LCLAT1: variants seen among roughly 807,000 people sequenced by gnomAD.
The protein encoded by LCLAT1 is 1-AGP acyltransferase 8.
Under a neutral mutation model 30.7 loss-of-function variants are expected in LCLAT1, and 11 were observed. That is an observed-to-expected ratio of 0.36 (90% CI 0.23 to 0.59). The LOEUF is 0.59. LCLAT1 is among the 20% of genes least tolerant of loss of function. The probability of loss-of-function intolerance (pLI) is 0.77; values close to 1 mark genes in which losing one functional copy is unlikely to be tolerated. For missense variants in LCLAT1, 402 were observed against 458.6 expected (o/e 0.88, Z 1.13); for synonymous variants, 155 against 151.3 (o/e 1.02, Z -0.18).
intron 5 of LCLAT1, among the ~76,000 whole-genome samples, chr2:30,636,537 T>C (rs1352473725): frequency 1.3e-5 from 2 of 152,112 alleles, no homozygotes; most frequent in Non-Finnish European, 2.9e-5. Flanking sequence ...TCCCAGGCAG[T>C]CTGTGTCCAC....
At chr2:30,537,939 T>C (rs1465273844) in intron 3 of LCLAT1, among the ~76,000 whole-genome samples, 1 of 152,040 alleles carries the variant, frequency 6.6e-6, no homozygotes, top group Non-Finnish European at 1.5e-5. Context: ...ATTTGGAAAC[T>C]GTACCAATAC....
chr2:30,473,220 C>T (rs1198460549), intron 1 of LCLAT1, among the ~76,000 whole-genome samples: 2 of 152,036 alleles, frequency 1.3e-5, no homozygotes, highest in Non-Finnish European at 2.9e-5. Flanking sequence ...ATATAACTAC[C>T]ATATGACAGT....
At chr2:30,617,601 A>G (rs912326257) in intron 5 of LCLAT1, among the ~76,000 whole-genome samples, 16 of 152,146 alleles carry the variant, frequency 1.1e-4, no homozygotes, top group African/African-American at 3.1e-4. Context: ...TTACATGTCC[A>G]TTAGTATTAT....
At chr2:30,485,076 T>C (rs1303785392) in intron 1 of LCLAT1, among the ~76,000 whole-genome samples, 1 of 152,188 alleles carries the variant, frequency 6.6e-6, no homozygotes, top group Non-Finnish European at 1.5e-5. Context: ...TTTTGTAATA[T>C]TGTTAAGTCA....
intron 1 of LCLAT1, among the ~76,000 whole-genome samples, chr2:30,478,884 T>A (rs1039839501): frequency 6.6e-6 from 1 of 152,218 alleles, no homozygotes; most frequent in African/African-American, 2.4e-5. Flanking sequence ...ACTTGCTGAC[T>A]TGTGTTACAT....
intron 5 of LCLAT1, among the ~76,000 whole-genome samples, chr2:30,590,962 G>C (rs1390431668): frequency 1.3e-5 from 2 of 152,070 alleles, no homozygotes; most frequent in African/African-American, 4.8e-5. Context: ...TCCCTCTTCA[G>C]TCCTTCAACT....
intron 1 of LCLAT1, 45 bp from the exon 2 acceptor site, chr2:30,525,542 G>A (rs753489666): frequency 8.3e-5 from 122 of 1,477,752 alleles, no homozygotes; most frequent in Admixed American, 1.0e-4. Flanking sequence ...AATTCGAGCC[G>A]TTAAATGTAT....
At chr2:30,478,411 T>C (rs978361664) in intron 1 of LCLAT1, among the ~76,000 whole-genome samples, 5 of 152,234 alleles carry the variant, frequency 3.3e-5, no homozygotes, top group African/African-American at 1.2e-4. Flanking sequence ...TTTTCTCTGT[T>C]CATATTCTGG....
In LCLAT1 at chr2:30,503,867, G is replaced by A. The variant is rs554998305; in HGVS notation, c.-4-21720G>A. 8.5e-4 allele frequency among the ~76,000 whole-genome samples: 130 copies of A among 152,264 alleles called. 1 individual carries two copies. The highest frequency in any genetic ancestry group is 1.9e-3 in the South Asian group (9 of 4,828). ...TTTTGTCCTAGCTTGACTGAGCACT[G>A]TTCTCCCTCAAGACTCAGGCCTTGG... On this transcript the variant is annotated intron_variant, in intron 1 of 5. Coordinates refer to ENST00000379509, the MANE Select transcript of LCLAT1 (RefSeq NM_001002257.3).
chr2:30,460,506 G>A (rs918059842), intron 1 of LCLAT1, among the ~76,000 whole-genome samples: 1 of 152,092 alleles, frequency 6.6e-6, no homozygotes, highest in Admixed American at 6.5e-5. Flanking sequence ...TAGTCTACTA[G>A]TCGGTTTCTG....
In LCLAT1 at chr2:30,459,495, G is replaced by A. The variant is rs116012746; in HGVS notation, c.-5+12112G>A. On this transcript the variant is annotated intron_variant, in intron 1 of 5. Transcript: ENST00000379509. Reference sequence around the variant, plus strand: ...CTCCATGAACCATCTGATGAGCCCGGTGCACTGTTCCCAAACTCTGCTTTC... The same window carrying A: ...CTCCATGAACCATCTGATGAGCCCGATGCACTGTTCCCAAACTCTGCTTTC... 2.4e-3 allele frequency: 1,821 copies of A among 753,492 alleles called. 25 individuals are homozygous for A. In the African/African-American group the frequency reaches 0.025, roughly 11 times the overall value. The allele number at this position is 753,492 out of a possible 1,614,324, so 46.7% of individuals were successfully genotyped here.
At chr2:30,540,992 T>A (rs939107064) in intron 3 of LCLAT1, among the ~76,000 whole-genome samples, 9 of 152,190 alleles carry the variant, frequency 5.9e-5, no homozygotes, top group African/African-American at 2.2e-4. Flanking sequence ...GTAATGAGGC[T>A]GGACATTTTT....
intron 4 of LCLAT1, among the ~76,000 whole-genome samples, chr2:30,567,735 A>T (rs1665558680): frequency 6.6e-6 from 1 of 152,218 alleles, no homozygotes; most frequent in Admixed American, 6.5e-5. Context: ...TTTAAAACTT[A>T]AGATGGGACT....
intron 5 of LCLAT1, among the ~76,000 whole-genome samples, chr2:30,571,579 T>C (rs1220422444): frequency 6.6e-6 from 1 of 152,228 alleles, no homozygotes; most frequent in Non-Finnish European, 1.5e-5. Flanking sequence ...GAAACCCATC[T>C]CTGGCTCACA....
At chr2:30,552,635 T>G (rs1293549871) in intron 3 of LCLAT1, 1 of 343,410 alleles carries the variant, frequency 2.9e-6, no homozygotes, top group Non-Finnish European at 6.1e-6. Flanking sequence ...TGGAGAGCAT[T>G]ACCCAGTTTG....
At chr2:30,605,997 T>A (rs1309271871) in intron 5 of LCLAT1, 4 of 1,290,254 alleles carry the variant, frequency 3.1e-6, no homozygotes. Flanking sequence ...TGCTCCCCAC[T>A]CCCCACTCTG....
At position 30,642,480 on chromosome 2, in the gene LCLAT1, C is replaced by CT. The variant is rs1669370687; in HGVS notation, c.*1862dup. The CT allele has an allele frequency of 1.4e-5, 2 of 146,060 alleles. No homozygotes were observed. The highest frequency in any genetic ancestry group is 3.0e-5 in the Non-Finnish European group (2 of 66,372). 9.0% of individuals were successfully genotyped at this position (146,060 alleles called of 1,614,324 possible). Reference sequence around the variant, plus strand: ...AAAGAGGTTTCTAATTTATGTTTCTCTAAGATTTCCTTTGGTTGTATTTAG... The same window carrying CT: ...AAAGAGGTTTCTAATTTATGTTTCTCTTAAGATTTCCTTTGGTTGTATTTAG... On this transcript the variant is annotated 3_prime_UTR_variant, in exon 6 of 6. Transcript: ENST00000379509.
chr2:30,585,552 G>A (rs554118541), intron 5 of LCLAT1, among the ~76,000 whole-genome samples: 17 of 152,222 alleles, frequency 1.1e-4, no homozygotes, highest in African/African-American at 3.1e-4. Context: ...TTCAGGAATT[G>A]CTCCACCTGT....
intron 1 of LCLAT1, among the ~76,000 whole-genome samples, chr2:30,523,929 C>G (rs914930187): frequency 5.3e-5 from 8 of 152,084 alleles, no homozygotes; most frequent in Non-Finnish European, 7.4e-5. Flanking sequence ...AGGGATTTGA[C>G]CTGTTTTGTT....
Sources: allele counts gnomAD v4.1 joint callset (sites outside exome capture counted in the v4.1 genomes callset), GRCh38; gene constraint gnomAD v4.1.1; transcripts MANE v1.5; gene names NCBI Gene and HGNC (gene_info 2026-07-23, HGNC 2026-07-21).